TRPM3: variants seen among roughly 807,000 people sequenced by gnomAD.
TRPM3 encodes the protein long transient receptor potential channel 3.
TRPM3 carries 77 observed loss-of-function variants against 181.2 expected under a neutral mutation model. The ratio of observed to expected loss-of-function variants is 0.42; its 90% confidence interval spans 0.35 to 0.51. The LOEUF (loss-of-function observed/expected upper bound fraction) is 0.51. Ranked by LOEUF, TRPM3 falls within the 20% of genes least tolerant of loss-of-function variation. TRPM3 has a pLI of 0.01. For missense variants in TRPM3, 1,759 were observed against 2,196.7 expected (o/e 0.80, Z 3.98); for synonymous variants, 745 against 796.4 (o/e 0.94, Z 1.09).
At chr9:70,996,434 G>A (rs1214410581) in intron 1 of TRPM3, among the ~76,000 whole-genome samples, 1 of 152,110 alleles carries the variant, frequency 6.6e-6, no homozygotes, top group Non-Finnish European at 1.5e-5. Flanking sequence ...TAGCAAATCC[G>A]GACAGTCAAA....
intron 1 of TRPM3, among the ~76,000 whole-genome samples, chr9:71,045,939 G>A (rs1041919681): frequency 3.3e-5 from 5 of 151,604 alleles, no homozygotes; most frequent in African/African-American, 1.2e-4. Context: ...CTTTCCATTT[G>A]CTAATGTTTG....
chr9:70,900,098 T>C (rs1373721997), intron 1 of TRPM3, among the ~76,000 whole-genome samples: 1 of 152,164 alleles, frequency 6.6e-6, no homozygotes, highest in African/African-American at 2.4e-5. Context: ...GTTCCAAGTA[T>C]AAGAATCATA....
intron 8 of TRPM3, chr9:70,761,282 A>G: frequency 3.3e-6 from 2 of 601,022 alleles, no homozygotes; most frequent in South Asian, 2.1e-5. Flanking sequence ...AAACCTAAGA[A>G]GATCAAGCTG....
intron 5 of TRPM3, among the ~76,000 whole-genome samples, chr9:70,842,669 T>G (rs1564545721): frequency 6.6e-6 from 1 of 152,064 alleles, no homozygotes. Context: ...TTGCCGTATA[T>G]TAAGTGGTGT....
intron 1 of TRPM3, among the ~76,000 whole-genome samples, chr9:71,229,268 A>C (rs1341198096): frequency 6.6e-6 from 1 of 152,176 alleles, no homozygotes; most frequent in Non-Finnish European, 1.5e-5. Context: ...TTCCATATGC[A>C]GAAGAATAAA....
At chr9:70,819,308 A>G (rs967080881) in intron 6 of TRPM3, among the ~76,000 whole-genome samples, 5 of 152,212 alleles carry the variant, frequency 3.3e-5, no homozygotes, top group African/African-American at 1.2e-4. Flanking sequence ...GCACATAATC[A>G]TAGATATATA....
intron 22 of TRPM3, among the ~76,000 whole-genome samples, chr9:70,554,594 T>A (rs2047215078): frequency 6.6e-6 from 1 of 152,134 alleles, no homozygotes; most frequent in South Asian, 2.1e-4. Flanking sequence ...TCCAGACAAT[T>A]GAATCAGAAT....
At chr9:71,107,059 T>C (rs1007238315) in intron 1 of TRPM3, among the ~76,000 whole-genome samples, 6 of 152,128 alleles carry the variant, frequency 3.9e-5, no homozygotes, top group Non-Finnish European at 5.9e-5. Context: ...GGTGGCCACA[T>C]TGCACTTCAA....
chr9:71,365,193 C>T (rs1336385451), intron 1 of TRPM3, among the ~76,000 whole-genome samples: 1 of 152,146 alleles, frequency 6.6e-6, no homozygotes, highest in Non-Finnish European at 1.5e-5. Context: ...AATAAATGAA[C>T]AAATGAAGTC....
At chr9:70,592,975 C>A (rs186286478) in intron 21 of TRPM3, among the ~76,000 whole-genome samples, 2,435 of 152,208 alleles carry the variant, frequency 0.016, 34 homozygotes, top group South Asian at 0.06. Context: ...TGTGAGCCAC[C>A]CGCCTCGGCC....
chr9:70,953,369 G>A (rs1398223120), intron 1 of TRPM3, among the ~76,000 whole-genome samples: 1 of 152,082 alleles, frequency 6.6e-6, no homozygotes, highest in Non-Finnish European at 1.5e-5. Context: ...GAAGATTACT[G>A]TGGGTAATAT....
chr9:71,082,691 T>C (rs2064565253), intron 1 of TRPM3, among the ~76,000 whole-genome samples: 1 of 152,146 alleles, frequency 6.6e-6, no homozygotes. Context: ...CACAGCCTTA[T>C]ATCCTGTCAA....
chr9:71,203,468 G>C (rs375129381), intron 1 of TRPM3, among the ~76,000 whole-genome samples: 5 of 152,086 alleles, frequency 3.3e-5, no homozygotes, highest in Non-Finnish European at 7.4e-5. Flanking sequence ...GCTTTCATTT[G>C]CTCACTTGTT....
In TRPM3 at chr9:70,553,163, A is replaced by G. The variant is rs536817826; in HGVS notation, c.3371T>C (p.Phe1124Ser). 6.2e-7 allele frequency: 1 copy of G among 1,614,122 alleles called. No homozygotes were observed. Among genetic ancestry groups the G allele is most frequent in the Admixed American group, 1.7e-5 (1 of 60,012 alleles). Residue 1124 changes from phenylalanine (F) to serine (S), a missense_variant, in exon 23 of 26, where the codon TTT becomes TCT. By Grantham distance (155) the Phe-to-Ser change is radical (BLOSUM62 -2). Around this residue, in one of 8 missense-constraint regions of TRPM3, gnomAD observed 94 missense variants for 221.3 expected, o/e 0.42. Coordinates refer to ENST00000677713, the MANE Select transcript of TRPM3 (RefSeq NM_001366145.2). ...GTGCTCCAAAGGACCCACTTACTTA[A>G]AGACAGCAATGAGGAGGTTGACCAG... ...ILLVNLLIAV[F>S]NNTFFEVKSI...
chr9:70,814,833 C>A (rs975338124), intron 6 of TRPM3, among the ~76,000 whole-genome samples: 3 of 151,920 alleles, frequency 2.0e-5, no homozygotes, highest in Admixed American at 1.3e-4. Flanking sequence ...AGACTACTTT[C>A]AAAGGTTTTC....
intron 1 of TRPM3, among the ~76,000 whole-genome samples, chr9:71,156,211 G>A (rs565677719): frequency 1.3e-5 from 2 of 152,096 alleles, no homozygotes; most frequent in Admixed American, 1.3e-4. Flanking sequence ...GTTTGAGGGT[G>A]TGAGTTCTGG....
chr9:70,773,487 G>GA (rs2080750550), intron 7 of TRPM3, among the ~76,000 whole-genome samples: 1 of 152,138 alleles, frequency 6.6e-6, no homozygotes, highest in Admixed American at 6.5e-5. Context: ...AGAGGTGTGG[G>GA]AAAAGGGGAG....
chr9:71,329,214 T>C (rs1166147051), intron 1 of TRPM3, among the ~76,000 whole-genome samples: 1 of 152,258 alleles, frequency 6.6e-6, no homozygotes, highest in African/African-American at 2.4e-5. Context: ...TATGCTTAAT[T>C]ATCAACCGCC....
intron 1 of TRPM3, among the ~76,000 whole-genome samples, chr9:70,912,751 A>G (rs946321643): frequency 6.6e-6 from 1 of 152,194 alleles, no homozygotes; most frequent in Non-Finnish European, 1.5e-5. Flanking sequence ...AATATATTGG[A>G]AACCAACACT....
Sources: allele counts gnomAD v4.1 joint callset (sites outside exome capture counted in the v4.1 genomes callset), GRCh38; gene constraint gnomAD v4.1.1; regional missense constraint gnomAD v4.1.1; transcripts MANE v1.5; gene names NCBI Gene and HGNC (gene_info 2026-07-23, HGNC 2026-07-21).